Variants in GMCL2 observed in about 807,000 individuals in gnomAD.
GMCL2 encodes germ cell-less 2, spermatogenesis associated, also known as germ cell-less protein-like 2.
In GMCL2, 33 loss-of-function variants were observed where a neutral mutation model predicts 36.2. The observed-to-expected ratio is 0.91, with a 90% confidence interval of 0.69 to 1.22. The LOEUF is 1.22. Ranked by LOEUF, GMCL2 falls within the 50% of genes most tolerant of loss-of-function variation. GMCL2 has a pLI of 0.00. For missense variants in GMCL2, 478 were observed against 514.5 expected (o/e 0.93, Z 0.69); for synonymous variants, 172 against 184.3 (o/e 0.93, Z 0.54).
At position 178,184,581 on chromosome 5, in the gene GMCL2, A is replaced by G. The variant is rs1309147984; in HGVS notation, c.*1138T>C. On this transcript the variant is annotated 3_prime_UTR_variant, in exon 1 of 1. Coordinates refer to ENST00000463439, the MANE Select transcript of GMCL2 (RefSeq NM_001358008.2). ...ATTTTAAAAGCCAGAATAAAAATATACATTAACCACAGAAGTACTTACTCT... is the reference window on the plus strand; with the variant it reads ...ATTTTAAAAGCCAGAATAAAAATATGCATTAACCACAGAAGTACTTACTCT... Among the ~76,000 whole-genome samples the G allele has an allele frequency of 3.3e-5, 5 of 152,248 alleles. No homozygotes were observed. The highest frequency in any genetic ancestry group is 1.2e-4 in the African/African-American group (5 of 41,468).
chr5:178,187,057 G>A lies in GMCL2; in HGVS notation c.243C>T (p.Leu81=). The part of the protein sequence containing the change: ...HEEEGDKQQP[L]LNTPARKKLR... ...ATTTTTTCCTTGCAGGGGTGTTGAG[G>A]AGCGGCTGCTGCTTGTCCCCCTCCT... is the stretch of plus-strand genomic sequence containing the variant. The change falls in exon 1 of 1, where the codon CTC becomes CTT. Residue 81 remains leucine (L), a synonymous_variant. Coordinates refer to ENST00000463439, the MANE Select transcript of GMCL2 (RefSeq NM_001358008.2). 2 of 1,115,220 alleles carry A rather than the reference G, an allele frequency of 1.8e-6. No individual in the cohort carries two copies. Among genetic ancestry groups the A allele is most frequent in the Non-Finnish European group, 2.7e-6 (2 of 746,898 alleles). 69.1% of individuals were successfully genotyped at this position (1,115,220 alleles called of 1,614,324 possible).
In GMCL2 at chr5:178,186,794, A is replaced by G; in HGVS notation, c.506T>C (p.Leu169Pro). The G allele has an allele frequency of 6.2e-7, 1 of 1,610,464 alleles. No homozygotes were observed. The highest frequency in any genetic ancestry group is 8.5e-7 in the Non-Finnish European group (1 of 1,176,606). ...TTTTATCAAGACATCATCTCGATAC[A>G]GTGAACCAAACGCAACCTGCAGTGC... ...VDALQVAFGSLYRDDVLIKPS... is the reference protein window; with the variant it reads ...VDALQVAFGSPYRDDVLIKPS... The change falls in exon 1 of 1, where the codon CTG becomes CCG. Residue 169 changes from leucine to proline, a missense_variant. This residue lies in a region of GMCL2 where 175 missense variants were observed against 208.0 expected (regional missense o/e 0.84). Transcript: ENST00000463439.
rs762432126 is a variant in GMCL2, at chr5:178,186,832, G to A, written c.468C>T (p.Asn156=). The part of the protein sequence containing the change: ...NIIELEIPDQ[N]IDVDALQVAF... Reference sequence around the variant, plus strand: ...CAACCTGCAGTGCGTCTACATCAATGTTCTGGTCAGGAATCTCCAGTTCAA... The same window carrying A: ...CAACCTGCAGTGCGTCTACATCAATATTCTGGTCAGGAATCTCCAGTTCAA... Residue 156 remains asparagine, a synonymous_variant, in exon 1 of 1, where the codon AAC becomes AAT. Transcript: ENST00000463439. 2 of 1,610,116 alleles carry A rather than the reference G, an allele frequency of 1.2e-6. No homozygotes were observed. Among genetic ancestry groups the A allele is most frequent in the Non-Finnish European group, 1.7e-6 (2 of 1,176,372 alleles).
chr5:178,187,212 G>T lies in GMCL2; in HGVS notation c.88C>A (p.Arg30=). 8.4e-7 allele frequency: 1 copy of T among 1,187,928 alleles called. No individual in the cohort carries two copies. The highest frequency in any genetic ancestry group is 1.2e-6 in the Non-Finnish European group (1 of 817,906). 73.6% of individuals were successfully genotyped at this position (1,187,928 alleles called of 1,614,324 possible). Reference sequence around the variant, plus strand: ...GCATCGTCTCCAGTGTCCGGCCTCCGGGCCGAGCCCCTGGCCCTGGCACCC... The same window carrying T: ...GCATCGTCTCCAGTGTCCGGCCTCCTGGCCGAGCCCCTGGCCCTGGCACCC... The part of the protein sequence containing the change: ...EQGARARGSA[R]RPDTGDDAAS... The change falls in exon 1 of 1, where the codon CGG becomes AGG. Residue 30 remains arginine, a synonymous_variant. Transcript: ENST00000463439.
Position 178,185,007 on chromosome 5 carries a change from T to A in GMCL2, c.*712A>T, listed in dbSNP as rs1756674567. 6.6e-6 allele frequency among the ~76,000 whole-genome samples: 1 copy of A among 152,146 alleles called. No individual in the cohort carries two copies. Among genetic ancestry groups the A allele is most frequent in the African/African-American group, 2.4e-5 (1 of 41,442 alleles). ...AAAAGACCATGTAAGACAAGAAATA[T>A]CCCTGGAATCAAACTGATTTTTCAC... On this transcript the variant is annotated 3_prime_UTR_variant, in exon 1 of 1. Transcript: ENST00000463439.
the GMCL2 span, chr5:178,187,065 G>A: frequency 2.8e-6 from 3 of 1,083,720 alleles, no homozygotes; most frequent in Admixed American, 4.0e-5. Context: ...AGGAGCGGCT[G>A]CTGCTTGTCC....
rs1332822044 is a variant in GMCL2 at position 178,185,794 on chromosome 5, G to C, written c.1506C>G (p.Ile502Met). 1 of 969,520 alleles carries C rather than the reference G, an allele frequency of 1.0e-6. No homozygotes were observed. Among genetic ancestry groups the C allele is most frequent in the Non-Finnish European group, 1.7e-6 (1 of 597,326 alleles). The allele number at this position is 969,520 out of a possible 1,614,324, so 60.1% of individuals were successfully genotyped here. The change falls in exon 1 of 1, where the codon ATC becomes ATG. Residue 502 changes from isoleucine to methionine, a missense_variant. This residue lies in a region of GMCL2 where 135 missense variants were observed against 119.0 expected (regional missense o/e 1.13). Transcript: ENST00000463439. ...GTGATATATACAAGAAGTTACAGCA[G>C]ATATATAAAGGGAAGGTCAGAAACC... is the stretch of plus-strand genomic sequence containing the variant. ...DSRFLTFPLYICCNFLYISPE... is the reference protein window; with the variant it reads ...DSRFLTFPLYMCCNFLYISPE...
rs771675812 is a variant in GMCL2 at position 178,185,820 on chromosome 5, T to C, written c.1480A>G (p.Arg494Gly). The C allele has an allele frequency of 9.2e-6, 9 of 973,732 alleles. No individual in the cohort carries two copies. Among genetic ancestry groups the C allele is most frequent in the Admixed American group, 8.6e-5 (5 of 58,268 alleles). The allele number at this position is 973,732 out of a possible 1,614,324, so 60.3% of individuals were successfully genotyped here. A position where few individuals can be genotyped will look rare whatever the true frequency, so the allele number is the denominator to read the frequency against. Residue 494 changes from arginine (R) to glycine (G), a missense_variant, in exon 1 of 1, where the codon AGG becomes GGG. Coordinates refer to ENST00000463439, the MANE Select transcript of GMCL2 (RefSeq NM_001358008.2). ...QEQVVMNLDS[R>G]FLTFPLYICC... ...ATATATAAAGGGAAGGTCAGAAACC[T>C]GCTGTCCAAGTTCATCACCACTTGT... is the stretch of plus-strand genomic sequence containing the variant.
rs934851781 is a variant in GMCL2 at position 178,185,280 on chromosome 5, C to T, written c.*439G>A. On this transcript the variant is annotated 3_prime_UTR_variant, in exon 1 of 1. Transcript: ENST00000463439. ...AAGGAAAGCTTTAAATGCCCCAGCTCAAAAGAGCATTTCTAATTGGCCATC... is the reference window on the plus strand; with the variant it reads ...AAGGAAAGCTTTAAATGCCCCAGCTTAAAAGAGCATTTCTAATTGGCCATC... Among the ~76,000 whole-genome samples, 9 of 152,172 alleles carry T rather than the reference C, an allele frequency of 5.9e-5. No individual in the cohort carries two copies. Among genetic ancestry groups the T allele is most frequent in the Non-Finnish European group, 8.8e-5 (6 of 68,040 alleles).
Position 178,187,107 on chromosome 5 carries a change from C to A in GMCL2, c.193G>T (p.Asp65Tyr). Residue 65 changes from aspartate to tyrosine, a missense_variant, in exon 1 of 1, where the codon GAC (aspartate) becomes TAC (tyrosine). This residue lies in a region of GMCL2 where 127 missense variants were observed against 86.4 expected (regional missense o/e 1.47). Coordinates refer to ENST00000463439, the MANE Select transcript of GMCL2 (RefSeq NM_001358008.2). ...SSGACRYCDP[D>Y]SHREEHEEEG... ...TCCTCATGCTCCTCCCTGTGCGAGT[C>A]CGGGTCACAGTAGCGGCAGGCCCCG... 1 of 1,071,020 alleles carries A rather than the reference C, an allele frequency of 9.3e-7. No homozygotes were observed. The highest frequency in any genetic ancestry group is 1.4e-6 in the Non-Finnish European group (1 of 707,242). 66.3% of individuals were successfully genotyped at this position (1,071,020 alleles called of 1,614,324 possible). A position where few individuals can be genotyped will look rare whatever the true frequency, so the allele number is the denominator to read the frequency against.
At position 178,186,295 on chromosome 5, in the gene GMCL2, C is replaced by T. The variant is rs13184677; in HGVS notation, c.1005G>A (p.Arg335=). Residue 335 remains arginine, a synonymous_variant, in exon 1 of 1, where the codon AGG becomes AGA. Coordinates refer to ENST00000463439, the MANE Select transcript of GMCL2 (RefSeq NM_001358008.2). ...KPFVSVFRHL[R]LQYIISDLAS... ...CTAGGTCACTGATAATATATTGTAA[C>T]CTTAAATGTCTGAATACTGACACAA... is the stretch of plus-strand genomic sequence containing the variant. 233,417 of 1,198,472 alleles carry T rather than the reference C, an allele frequency of 0.19. 23,966 individuals are homozygous for T. The highest frequency in any genetic ancestry group is 0.3 in the East Asian group (12,929 of 42,938). The allele number at this position is 1,198,472 out of a possible 1,614,324, so 74.2% of individuals were successfully genotyped here. A position where few individuals can be genotyped will look rare whatever the true frequency, so the allele number is the denominator to read the frequency against.
At position 178,186,209 on chromosome 5, in the gene GMCL2, T is replaced by C. The variant is rs752380681; in HGVS notation, c.1091A>G (p.Tyr364Cys). 9.3e-6 allele frequency: 8 copies of C among 856,428 alleles called. No individual in the cohort carries two copies. The highest frequency in any genetic ancestry group is 1.6e-5 in the African/African-American group (1 of 60,696). The allele number at this position is 856,428 out of a possible 1,614,324, so 53.1% of individuals were successfully genotyped here. A position where few individuals can be genotyped will look rare whatever the true frequency, so the allele number is the denominator to read the frequency against. The change falls in exon 1 of 1, where the codon TAT becomes TGT. Residue 364 changes from tyrosine (Y) to cysteine (C), a missense_variant. Tyr to Cys is a radical substitution (Grantham distance 194, BLOSUM62 -2). Coordinates refer to ENST00000463439, the MANE Select transcript of GMCL2 (RefSeq NM_001358008.2). ...CAGCATAGCAAACCACTGCTGTTTA[T>C]ACACAGAAGACAGCCATTCTGAAGG... ...IVPSEWLSSV[Y>C]KQQWFAMLRA...
Position 178,186,967 on chromosome 5 carries a change from C to T in GMCL2, c.333G>A (p.Lys111=), listed in dbSNP as rs774422776. Reference sequence around the variant, plus strand: ...GCCATTCTTCTCCTAGAGCACAAATCTTAATGTCACTGTTTTCACCATTCA... The same window carrying T: ...GCCATTCTTCTCCTAGAGCACAAATTTTAATGTCACTGTTTTCACCATTCA... The part of the protein sequence containing the change: ...LFLNGENSDI[K]ICALGEEWRL... Residue 111 remains lysine (K), a synonymous_variant, in exon 1 of 1, where the codon AAG becomes AAA. Coordinates refer to ENST00000463439, the MANE Select transcript of GMCL2 (RefSeq NM_001358008.2). 3.1e-5 allele frequency: 45 copies of T among 1,469,350 alleles called. No individual in the cohort carries two copies. Among genetic ancestry groups the T allele is most frequent in the Non-Finnish European group, 2.3e-5 (24 of 1,048,124 alleles). The allele number at this position is 1,469,350 out of a possible 1,614,324, so 91.0% of individuals were successfully genotyped here.
At position 178,185,422 on chromosome 5, in the gene GMCL2, G is replaced by A. The variant is rs1756679429; in HGVS notation, c.*297C>T. ...AAGCTAAAAATTAAATCTATATTTT[G>A]TTGCAGATAAATGTGAGATTTACCT... On this transcript the variant is annotated 3_prime_UTR_variant, in exon 1 of 1. Transcript: ENST00000463439. Among the ~76,000 whole-genome samples, 1 of 152,210 alleles carries A rather than the reference G, an allele frequency of 6.6e-6. No individual in the cohort carries two copies. The highest frequency in any genetic ancestry group is 2.4e-5 in the African/African-American group (1 of 41,456).
chr5:178,186,656 C>T lies in GMCL2; in HGVS notation c.644G>A (p.Gly215Asp). Reference protein sequence around the residue: ...KETINVKTVCGYYTSVEIYGL... With the variant: ...KETINVKTVCDYYTSVEIYGL... ...ATAGATCTCTACTGATGTGTAATAACCGCATACAGTTTTCACATTAATTGT... is the reference window on the plus strand; with the variant it reads ...ATAGATCTCTACTGATGTGTAATAATCGCATACAGTTTTCACATTAATTGT... The change falls in exon 1 of 1, where the codon GGT becomes GAT. Residue 215 changes from glycine to aspartate, a missense_variant. By Grantham distance (94) the Gly-to-Asp change is moderately conservative. Coordinates refer to ENST00000463439, the MANE Select transcript of GMCL2 (RefSeq NM_001358008.2). 1 of 1,181,636 alleles carries T rather than the reference C, an allele frequency of 8.5e-7. No homozygotes were observed. The highest frequency in any genetic ancestry group is 1.5e-5 in the African/African-American group (1 of 66,652). 73.2% of individuals were successfully genotyped at this position (1,181,636 alleles called of 1,614,324 possible).
Position 178,187,306 on chromosome 5 carries a change from C to T in GMCL2, c.-7G>A, listed in dbSNP as rs1235270550. The stretch of plus-strand genomic sequence containing the variant: ...GGCTGCTCGACGATCCCATGGGTCA[C>T]GGCTCCCCAGGACTTCAGGGAGCCC... On this transcript the variant is annotated 5_prime_UTR_variant, in exon 1 of 1. In the 5' UTR this introduces an upstream ATG that the reference lacks. Coordinates refer to ENST00000463439, the MANE Select transcript of GMCL2 (RefSeq NM_001358008.2). 6 of 841,378 alleles carry T rather than the reference C, an allele frequency of 7.1e-6. No homozygotes were observed. In the East Asian group the frequency reaches 1.1e-4, roughly 15 times the overall value. 52.1% of individuals were successfully genotyped at this position (841,378 alleles called of 1,614,324 possible). A position where few individuals can be genotyped will look rare whatever the true frequency, so the allele number is the denominator to read the frequency against.
At position 178,187,304 on chromosome 5, in the gene GMCL2, C is replaced by T; in HGVS notation, c.-5G>A. On this transcript the variant is annotated 5_prime_UTR_variant, in exon 1 of 1. Transcript: ENST00000463439. ...CCGGCTGCTCGACGATCCCATGGGT[C>T]ACGGCTCCCCAGGACTTCAGGGAGC... 2.4e-6 allele frequency: 2 copies of T among 841,196 alleles called. 1 individual carries two copies. 52.1% of individuals were successfully genotyped at this position (841,196 alleles called of 1,614,324 possible).
chr5:178,185,897 A>G lies in GMCL2; in HGVS notation c.1403T>C (p.Val468Ala). The change falls in exon 1 of 1, where the codon GTA (valine) becomes GCA (alanine). Residue 468 changes from valine to alanine, a missense_variant. Coordinates refer to ENST00000463439, the MANE Select transcript of GMCL2 (RefSeq NM_001358008.2). ...TTGATAGCCAGTTGTTCTACTACAT[A>G]CTAGTTTTCCACTACTATCAAAAGA... ...LASFDSSGKLVCSRTTGYQIL... is the reference protein window; with the variant it reads ...LASFDSSGKLACSRTTGYQIL... 2.5e-6 allele frequency: 2 copies of G among 789,806 alleles called. No individual in the cohort carries two copies. Among genetic ancestry groups the G allele is most frequent in the Non-Finnish European group, 4.6e-6 (2 of 432,666 alleles). The allele number at this position is 789,806 out of a possible 1,614,324, so 48.9% of individuals were successfully genotyped here.
rs1486876676 is a variant in GMCL2 at position 178,187,178 on chromosome 5, T to C, written c.122A>G (p.Tyr41Cys). Residue 41 changes from tyrosine (Y) to cysteine (C), a missense_variant, in exon 1 of 1, where the codon TAC becomes TGC. Physicochemically the swap from Tyr to Cys is radical, Grantham distance 194 (BLOSUM62 -2). This residue lies in a region of GMCL2 where 127 missense variants were observed against 86.4 expected (regional missense o/e 1.47). Coordinates refer to ENST00000463439, the MANE Select transcript of GMCL2 (RefSeq NM_001358008.2). ...ACTGCCCGGGCAGTAACAGAAGCCGTAGCTCGCCGCATCGTCTCCAGTGTC... is the reference window on the plus strand; with the variant it reads ...ACTGCCCGGGCAGTAACAGAAGCCGCAGCTCGCCGCATCGTCTCCAGTGTC... ...RPDTGDDAAS[Y>C]GFCYCPGSHK... 8.1e-7 allele frequency: 1 copy of C among 1,230,216 alleles called. No homozygotes were observed. The highest frequency in any genetic ancestry group is 1.2e-6 in the Non-Finnish European group (1 of 854,326). 76.2% of individuals were successfully genotyped at this position (1,230,216 alleles called of 1,614,324 possible).
Sources: allele counts gnomAD v4.1 joint callset (sites outside exome capture counted in the v4.1 genomes callset), GRCh38; gene constraint gnomAD v4.1.1; regional missense constraint gnomAD v4.1.1; transcripts MANE v1.5; gene names NCBI Gene and HGNC (gene_info 2026-07-23, HGNC 2026-07-21).